Variants in VANGL1 observed in about 807,000 individuals in gnomAD.
VANGL1 encodes the protein VANGL planar cell polarity protein 1.
Under a neutral mutation model 48.4 loss-of-function variants are expected in VANGL1, and 18 were observed. The ratio of observed to expected loss-of-function variants is 0.37; its 90% CI spans 0.26 to 0.55. The LOEUF is 0.55. Ranked by LOEUF, VANGL1 falls within the 20% of genes least tolerant of loss-of-function variation. VANGL1 has a pLI of 0.81. For synonymous variants in VANGL1, 257 were observed against 261.8 expected, an observed-to-expected ratio of 0.98 and a Z score of 0.18; for missense variants, 667 against 675.8, an observed-to-expected ratio of 0.99 and a Z score of 0.14.
rs1413936121 is a variant in VANGL1 at position 115,692,357 on chromosome 1, A to G, written c.*978A>G. On this transcript the variant is annotated 3_prime_UTR_variant, in exon 8 of 8. Coordinates refer to ENST00000355485, the MANE Select transcript of VANGL1 (RefSeq NM_138959.3). ...GGCAGGTGCAACTTGGAGCCACTTA[A>G]TTTCCTGGGGACGTAAGTTCTTCCC... The G allele has an allele frequency of 2.0e-5, 3 of 152,646 alleles. No individual in the cohort carries two copies. The highest frequency in any genetic ancestry group is 4.4e-5 in the Non-Finnish European group (3 of 68,138). The allele number at this position is 152,646 out of a possible 1,614,324, so 9.5% of individuals were successfully genotyped here. A position where few individuals can be genotyped will look rare whatever the true frequency, so the allele number is the denominator to read the frequency against.
Position 115,685,401 on chromosome 1 carries a change from C to T in VANGL1, c.1188C>T (p.Ala396=), listed in dbSNP as rs771384762. The T allele has an allele frequency of 3.1e-6, 5 of 1,614,184 alleles. No homozygotes were observed. In the East Asian group the frequency reaches 6.7e-5, roughly 22 times the overall value. The change falls in exon 7 of 8, where the codon GCC becomes GCT. Residue 396 remains alanine, a synonymous_variant. Coordinates refer to ENST00000355485, the MANE Select transcript of VANGL1 (RefSeq NM_138959.3). ...TGGACCCTAGGGAGGCCGCCCAGGC[C>T]ATTTTCCCCTCCATGGCCAGGGCTC... ...EVMDPREAAQ[A]IFPSMARALQ...
chr1:115,650,623 A>T (rs780789950), intron 1 of VANGL1, among the ~76,000 whole-genome samples: 1 of 152,100 alleles, frequency 6.6e-6, no homozygotes, highest in African/African-American at 2.4e-5. Flanking sequence ...AAGAGTTTCT[A>T]TTCTTTATAA....
intron 2 of VANGL1, 50 bp downstream of exon 2, chr1:115,651,534 G>A: frequency 1.3e-6 from 2 of 1,544,984 alleles, no homozygotes; most frequent in South Asian, 1.1e-5. Flanking sequence ...AAACCTACAG[G>A]TTGGTGGGGT....
At chr1:115,683,906 G>C (rs1181499264) in intron 5 of VANGL1, 38 bp from the exon 6 acceptor site, 3 of 1,609,486 alleles carry the variant, frequency 1.9e-6, no homozygotes, top group Non-Finnish European at 2.5e-6. Context: ...CCACCCTCGT[G>C]GTATTAACAC....
intron 1 of VANGL1, among the ~76,000 whole-genome samples, chr1:115,642,950 C>T (rs1651792070): frequency 6.6e-6 from 1 of 152,224 alleles, no homozygotes; most frequent in Non-Finnish European, 1.5e-5. Context: ...GGCCTGGCTG[C>T]TGTGTGATGA....
intron 2 of VANGL1, among the ~76,000 whole-genome samples, chr1:115,655,049 C>T (rs1416366364): frequency 6.6e-6 from 1 of 152,186 alleles, no homozygotes; most frequent in Admixed American, 6.5e-5. Flanking sequence ...AAAAAGAGGG[C>T]CGCCGGGGCA....
chr1:115,652,023 T>C (rs984161331), intron 2 of VANGL1, among the ~76,000 whole-genome samples: 3 of 152,208 alleles, frequency 2.0e-5, no homozygotes, highest in African/African-American at 7.2e-5. Context: ...GTATTTCTTA[T>C]AGGTATCGGC....
At chr1:115,682,666 A>G (rs1424530314) in intron 5 of VANGL1, among the ~76,000 whole-genome samples, 169 bp downstream of exon 5, 1 of 152,166 alleles carries the variant, frequency 6.6e-6, no homozygotes, top group Admixed American at 6.5e-5. Flanking sequence ...GTTTAGAGGA[A>G]TGTTGATTTA....
chr1:115,646,683 C>T (rs990415178), intron 1 of VANGL1, among the ~76,000 whole-genome samples: 1 of 152,016 alleles, frequency 6.6e-6, no homozygotes, highest in African/African-American at 2.4e-5. Context: ...TATAGGGTAC[C>T]CATAATGTCC....
intron 2 of VANGL1, among the ~76,000 whole-genome samples, chr1:115,654,665 C>T (rs991103524): frequency 6.6e-6 from 1 of 152,122 alleles, no homozygotes; most frequent in African/African-American, 2.4e-5. Flanking sequence ...TCACCACAGG[C>T]CCCGTCCAGC....
At chr1:115,676,246 C>A (rs371005722) in intron 4 of VANGL1, among the ~76,000 whole-genome samples, 1 of 152,108 alleles carries the variant, frequency 6.6e-6, no homozygotes, top group Non-Finnish European at 1.5e-5. Context: ...TCTAGTACTC[C>A]TACAATGGAT....
At chr1:115,650,049 G>A (rs1652084570) in intron 1 of VANGL1, among the ~76,000 whole-genome samples, 1 of 152,142 alleles carries the variant, frequency 6.6e-6, no homozygotes. Flanking sequence ...TGAATGGTAA[G>A]GGTAAATACA....
intron 1 of VANGL1, among the ~76,000 whole-genome samples, chr1:115,650,677 A>G (rs919006600): frequency 6.6e-6 from 1 of 152,036 alleles, no homozygotes; most frequent in Admixed American, 6.6e-5. Context: ...TGGATGAACC[A>G]TGTTTTCCTT....
At position 115,685,369 on chromosome 1, in the gene VANGL1, G is replaced by A. The variant is rs1403519233; in HGVS notation, c.1156G>A (p.Glu386Lys). ...QAEEQQKAPGEVMDPREAAQA... is the reference protein window; with the variant it reads ...QAEEQQKAPGKVMDPREAAQA... ...TGAGGAGCAGCAGAAAGCCCCAGGG[G>A]AGGTGATGGACCCTAGGGAGGCCGC... Residue 386 changes from glutamate (E) to lysine (K), a missense_variant, in exon 7 of 8, where the codon GAG becomes AAG. Glu to Lys is a moderately conservative substitution (Grantham distance 56). Transcript: ENST00000355485. The A allele has an allele frequency of 3.1e-6, 5 of 1,614,062 alleles. No homozygotes were observed. The highest frequency in any genetic ancestry group is 2.2e-5 in the South Asian group (2 of 91,088).
chr1:115,646,928 C>G (rs1011797339), intron 1 of VANGL1, among the ~76,000 whole-genome samples: 1 of 152,208 alleles, frequency 6.6e-6, no homozygotes, highest in East Asian at 1.9e-4. Flanking sequence ...TTTGGCAAAA[C>G]AGGGCATGTA....
At chr1:115,646,950 CCAACAGATATACTG>C (rs1346169280) in intron 1 of VANGL1, among the ~76,000 whole-genome samples, 1 of 152,158 alleles carries the variant, frequency 6.6e-6, no homozygotes, top group Non-Finnish European at 1.5e-5. Flanking sequence ...AGGGTGAGTA[CCAACAGATATACTG>C]GGCTCTGCCA....
At chr1:115,683,088 T>A (rs10923179) in intron 5 of VANGL1, among the ~76,000 whole-genome samples, 2 of 152,002 alleles carry the variant, frequency 1.3e-5, no homozygotes, top group Non-Finnish European at 2.9e-5. Flanking sequence ...GGATTATATT[T>A]TCAACAAGTC....
Position 115,695,951 on chromosome 1 carries a change from C to T in VANGL1, c.*4572C>T, listed in dbSNP as rs1235893110. ...TTGGGAGGCAGGATCTCTTCTTTCA[C>T]TTTGGATTTACACCTTGTCCCTTGG... On this transcript the variant is annotated 3_prime_UTR_variant, in exon 8 of 8. Transcript: ENST00000355485. The T allele has an allele frequency of 6.6e-6, 1 of 152,174 alleles. No individual in the cohort carries two copies. Among genetic ancestry groups the T allele is most frequent in the Non-Finnish European group, 1.5e-5 (1 of 68,050 alleles). 9.4% of individuals were successfully genotyped at this position (152,174 alleles called of 1,614,324 possible).
In VANGL1 at chr1:115,642,891, T is replaced by A. The variant is rs77156804; in HGVS notation, c.-138+805T>A. Among the ~76,000 whole-genome samples, 1,503 of 152,292 alleles carry A rather than the reference T, an allele frequency of 9.9e-3. 27 individuals carry two copies. The highest frequency in any genetic ancestry group is 0.034 in the African/African-American group (1,431 of 41,550). On this transcript the variant is annotated intron_variant, in intron 1 of 7. Transcript: ENST00000355485. ...GCGCCTAGAGAAGTGTGAAGCTTTATAAAAATTTAAACGCGTCCGTGGTGG... is the reference window on the plus strand; with the variant it reads ...GCGCCTAGAGAAGTGTGAAGCTTTAAAAAAATTTAAACGCGTCCGTGGTGG...
Sources: gnomAD v4.1 joint callset for allele counts (sites outside exome capture counted in the v4.1 genomes callset) on GRCh38, gnomAD v4.1.1 for gene constraint, MANE v1.5 for transcripts, NCBI Gene and HGNC (gene_info 2026-07-23, HGNC 2026-07-21) for gene names.